The following GLIS1 variants were observed in gnomAD, a reference collection of about 807,000 sequenced individuals.
GLIS1 encodes the protein GLIS family zinc finger 1.
A neutral mutation model predicts 63.8 loss-of-function variants in GLIS1; 24 were observed. The observed-to-expected ratio is 0.38, with a 90% CI of 0.27 to 0.53. GLIS1 has a LOEUF of 0.53. Ranked by LOEUF, GLIS1 falls within the 20% of genes least tolerant of loss-of-function variation. GLIS1 has a pLI of 0.85. For synonymous variants in GLIS1, 450 were observed against 482.5 expected, an observed-to-expected ratio of 0.93 and a Z score of 0.88; for missense variants, 1,036 against 1,074.1, an observed-to-expected ratio of 0.96 and a Z score of 0.50.
chr1:53,700,922 G>T (rs1646516978), intron 2 of GLIS1, among the ~76,000 whole-genome samples: 2 of 152,178 alleles, frequency 1.3e-5, no homozygotes, highest in Admixed American at 6.5e-5. Flanking sequence ...CGTTTCTAAG[G>T]CTCATCCGTG....
chr1:53,589,045 T>C (rs1645163315), intron 4 of GLIS1, among the ~76,000 whole-genome samples: 1 of 152,222 alleles, frequency 6.6e-6, no homozygotes, highest in African/African-American at 2.4e-5. Context: ...ATGGTTGGTA[T>C]CTACCTCCTG....
At chr1:53,647,862 AG>A (rs1234395911) in intron 2 of GLIS1, among the ~76,000 whole-genome samples, 1 of 152,200 alleles carries the variant, frequency 6.6e-6, no homozygotes, top group Non-Finnish European at 1.5e-5. Context: ...ACACGAAAAA[AG>A]GCAAACAACT....
chr1:53,637,739 G>A lies in GLIS1; in HGVS notation c.260-37461C>T, dbSNP rs141591834. Among the ~76,000 whole-genome samples the A allele has an allele frequency of 2.6e-3, 396 of 152,234 alleles. 1 individual carries two copies. The highest frequency in any genetic ancestry group is 9.1e-3 in the African/African-American group (378 of 41,526). The stretch of plus-strand genomic sequence containing the variant: ...CCTGCAGGCTTTGGCTGGTGGCCTC[G>A]CAGTGACTGTACCATTGTGGGGAAA... On this transcript the variant is annotated intron_variant, in intron 2 of 10. Transcript: ENST00000628545.
chr1:53,533,409 A>G (rs1388737275), intron 4 of GLIS1, among the ~76,000 whole-genome samples: 3 of 152,160 alleles, frequency 2.0e-5, no homozygotes, highest in Non-Finnish European at 4.4e-5. Context: ...CCCTTACCCC[A>G]GTGTGCAGAA....
At chr1:53,711,531 G>A (rs1435373207) in intron 2 of GLIS1, among the ~76,000 whole-genome samples, 3 of 152,246 alleles carry the variant, frequency 2.0e-5, no homozygotes, top group South Asian at 2.1e-4. Flanking sequence ...GGTGGGGAGA[G>A]CACAGCAGGG....
chr1:53,734,900 G>C (rs772087901), intron 2 of GLIS1, among the ~76,000 whole-genome samples: 12 of 152,194 alleles, frequency 7.9e-5, no homozygotes, highest in Non-Finnish European at 1.6e-4. Flanking sequence ...CCAGCTGTTT[G>C]GAATCTGGAT....
At chr1:53,581,367 ACTCT>A (rs767570381) in intron 4 of GLIS1, among the ~76,000 whole-genome samples, 2 of 151,686 alleles carry the variant, frequency 1.3e-5, no homozygotes, top group African/African-American at 2.4e-5. Context: ...AAGAGTCCTG[ACTCT>A]CTGTCTGAGT....
At chr1:53,551,227 ATCCCGCCACGGTGGTTTGAAG>A (rs1644756283) in intron 4 of GLIS1, among the ~76,000 whole-genome samples, 1 of 152,166 alleles carries the variant, frequency 6.6e-6, no homozygotes, top group Non-Finnish European at 1.5e-5. Flanking sequence ...AAAGGAAAAC[ATCCCGCCACGGTGGTTTGAAG>A]TCCTCTGTTC....
intron 2 of GLIS1, among the ~76,000 whole-genome samples, chr1:53,612,881 C>T (rs546228951): frequency 1.4e-4 from 21 of 150,296 alleles, no homozygotes; most frequent in African/African-American, 4.9e-4. Context: ...TGCAGTGGCA[C>T]GATCTCGACT....
At chr1:53,715,638 A>G (rs778548818) in intron 2 of GLIS1, among the ~76,000 whole-genome samples, 3 of 152,170 alleles carry the variant, frequency 2.0e-5, no homozygotes, top group African/African-American at 4.8e-5. Context: ...GCACAGGTTC[A>G]GGACTGAGGC....
intron 2 of GLIS1, among the ~76,000 whole-genome samples, chr1:53,640,601 T>A (rs1401372616): frequency 6.6e-6 from 1 of 152,196 alleles, no homozygotes; most frequent in East Asian, 1.9e-4. Flanking sequence ...ACCTGCTATG[T>A]GCTGGCCCCT....
chr1:53,714,591 C>T (rs1646678829), intron 2 of GLIS1, among the ~76,000 whole-genome samples: 3 of 151,934 alleles, frequency 2.0e-5, no homozygotes, highest in East Asian at 1.9e-4. Context: ...TCCACTGTAC[C>T]AGCTGCGGGC....
intron 2 of GLIS1, among the ~76,000 whole-genome samples, chr1:53,707,286 C>T (rs2100510968): frequency 6.6e-6 from 1 of 152,304 alleles, no homozygotes; most frequent in African/African-American, 2.4e-5. Flanking sequence ...TTATCTGTGA[C>T]TTGTCTGATC....
intron 2 of GLIS1, among the ~76,000 whole-genome samples, chr1:53,614,215 T>C (rs987423159): frequency 6.6e-6 from 1 of 152,206 alleles, no homozygotes; most frequent in Admixed American, 6.5e-5. Flanking sequence ...GTTTCAAAAG[T>C]ACACAAATAA....
intron 8 of GLIS1, among the ~76,000 whole-genome samples, chr1:53,512,013 C>G (rs527297678): frequency 6.6e-6 from 1 of 152,338 alleles, no homozygotes; most frequent in African/African-American, 2.4e-5. Context: ...AGTTGCAAAT[C>G]CCAGAGATTA....
At chr1:53,609,014 G>A (rs913551600) in intron 2 of GLIS1, among the ~76,000 whole-genome samples, 10 of 152,152 alleles carry the variant, frequency 6.6e-5, no homozygotes, top group Non-Finnish European at 4.4e-5. Flanking sequence ...TCAGCTAGAA[G>A]AACAGCAGAG....
chr1:53,649,945 C>T (rs1018822894), intron 2 of GLIS1, among the ~76,000 whole-genome samples: 3 of 152,060 alleles, frequency 2.0e-5, no homozygotes, highest in Non-Finnish European at 2.9e-5. Context: ...TTGACTATAC[C>T]GGGGCTCTCA....
chr1:53,620,556 G>A (rs879937082), intron 2 of GLIS1, among the ~76,000 whole-genome samples: 9 of 152,228 alleles, frequency 5.9e-5, no homozygotes, highest in African/African-American at 1.2e-4. Context: ...ATGTTGTTTC[G>A]TTTCGGCTCC....
intron 4 of GLIS1, among the ~76,000 whole-genome samples, chr1:53,584,656 G>A (rs1230574344): frequency 6.6e-6 from 1 of 152,220 alleles, no homozygotes; most frequent in African/African-American, 2.4e-5. Context: ...GCCCAAGGCT[G>A]TCTCCCAAGG....
Sources: allele counts gnomAD v4.1 joint callset (sites outside exome capture counted in the v4.1 genomes callset), GRCh38; gene constraint gnomAD v4.1.1; transcripts MANE v1.5; gene names NCBI Gene and HGNC (gene_info 2026-07-23, HGNC 2026-07-21).